Variants in SOX6 observed in about 807,000 individuals in gnomAD.
SOX6 encodes the protein SRY-box transcription factor 6, also known as transcription factor SOX-6.
SOX6 carries 11 observed loss-of-function variants against 97.8 expected under a neutral mutation model. The ratio of observed to expected loss-of-function variants is 0.11; its 90% CI spans 0.07 to 0.19. The LOEUF is 0.19. Among genes scored for constraint, SOX6 ranks in the 10% least tolerant of loss-of-function variants. The pLI is 1.00. For missense variants in SOX6, 810 were observed against 1,039.5 expected (o/e 0.78, Z 3.04); for synonymous variants, 360 against 371.4 (o/e 0.97, Z 0.35).
intron 1 of SOX6, among the ~76,000 whole-genome samples, chr11:16,461,459 C>T (rs1481594587): frequency 6.6e-6 from 1 of 152,186 alleles, no homozygotes; most frequent in Non-Finnish European, 1.5e-5. Context: ...TTATGGATCA[C>T]GATGATATGA....
intron 1 of SOX6, among the ~76,000 whole-genome samples, chr11:16,404,855 A>G (rs1174958097): frequency 1.3e-5 from 2 of 152,014 alleles, no homozygotes; most frequent in Non-Finnish European, 2.9e-5. Context: ...ACTCTGTGGC[A>G]TCTAGAATTA....
chr11:16,173,233 A>G (rs1363547270), intron 6 of SOX6, among the ~76,000 whole-genome samples: 2 of 151,882 alleles, frequency 1.3e-5, no homozygotes, highest in African/African-American at 2.4e-5. Context: ...TTTAGTTCCA[A>G]TGTGGATTGT....
intron 4 of SOX6, among the ~76,000 whole-genome samples, chr11:16,601,117 C>G (rs1401754860): frequency 6.6e-6 from 1 of 152,146 alleles, no homozygotes; most frequent in Non-Finnish European, 1.5e-5. Flanking sequence ...ATTTCTTCCT[C>G]TAAACAGCAG....
chr11:16,169,493 G>A (rs1211194483), intron 6 of SOX6, among the ~76,000 whole-genome samples: 1 of 152,020 alleles, frequency 6.6e-6, no homozygotes, highest in African/African-American at 2.4e-5. Flanking sequence ...AAATGATCAA[G>A]TTTACAAAGT....
At chr11:16,138,914 T>G (rs1590221780) in intron 6 of SOX6, among the ~76,000 whole-genome samples, 1 of 152,212 alleles carries the variant, frequency 6.6e-6, no homozygotes, top group Non-Finnish European at 1.5e-5. Context: ...TATTACACGG[T>G]GTATATGTGC....
At chr11:16,545,441 G>T (rs1565176999) in intron 4 of SOX6, among the ~76,000 whole-genome samples, 1 of 151,748 alleles carries the variant, frequency 6.6e-6, no homozygotes, top group Admixed American at 6.6e-5. Flanking sequence ...AACAAACTAG[G>T]TATAGAAAGT....
chr11:16,537,921 A>T (rs1248084018), intron 4 of SOX6, among the ~76,000 whole-genome samples: 1 of 152,204 alleles, frequency 6.6e-6, no homozygotes, highest in African/African-American at 2.4e-5. Flanking sequence ...TATCCAGGAG[A>T]ACTTCCCCAA....
chr11:16,580,708 A>G (rs759739058), intron 4 of SOX6, among the ~76,000 whole-genome samples: 1 of 152,196 alleles, frequency 6.6e-6, no homozygotes, highest in Non-Finnish European at 1.5e-5. Flanking sequence ...CCATCTGACA[A>G]ACATCTAACA....
intron 4 of SOX6, chr11:16,484,455 G>A (rs564200704): frequency 1.2e-6 from 1 of 803,726 alleles, no homozygotes; most frequent in East Asian, 2.4e-5. Context: ...ACAATGAAGA[G>A]CTCCTCGCAC....
intron 3 of SOX6, among the ~76,000 whole-genome samples, chr11:16,237,666 T>G (rs1853066313): frequency 6.6e-6 from 1 of 151,986 alleles, no homozygotes; most frequent in Non-Finnish European, 1.5e-5. Flanking sequence ...AGTAATCATG[T>G]AAGATTCCAA....
chr11:16,164,453 C>T (rs753397374), intron 6 of SOX6, among the ~76,000 whole-genome samples: 36 of 152,122 alleles, frequency 2.4e-4, no homozygotes, highest in Non-Finnish European at 2.6e-4. Flanking sequence ...TATTTTTGTA[C>T]TTGTTTTCAA....
intron 4 of SOX6, among the ~76,000 whole-genome samples, chr11:16,189,982 A>G (rs1240568249): frequency 1.3e-5 from 2 of 152,194 alleles, no homozygotes; most frequent in African/African-American, 4.8e-5. Flanking sequence ...TCTTTCAATC[A>G]TCTTCAACTT....
chr11:16,355,491 A>G (rs1231816200), intron 1 of SOX6, among the ~76,000 whole-genome samples: 1 of 152,064 alleles, frequency 6.6e-6, no homozygotes, highest in Non-Finnish European at 1.5e-5. Context: ...AATACTATAA[A>G]TCTCAATGTA....
At chr11:16,678,490 T>C (rs1359914788) in intron 3 of SOX6, among the ~76,000 whole-genome samples, 2 of 152,226 alleles carry the variant, frequency 1.3e-5, no homozygotes, top group African/African-American at 2.4e-5. Context: ...CACTTCAAGA[T>C]AGCCAAATAG....
chr11:16,188,149 T>A (rs1851532365), intron 4 of SOX6, among the ~76,000 whole-genome samples: 1 of 151,504 alleles, frequency 6.6e-6, no homozygotes, highest in African/African-American at 2.4e-5. Context: ...AGTATATGAT[T>A]TCTGAAAGGT....
rs1353937453 is a variant in SOX6, at chr11:16,040,425, G to T, written c.1623+6089C>A. On this transcript the variant is annotated intron_variant, in intron 12 of 15. Coordinates refer to ENST00000683767, the MANE Select transcript of SOX6 (RefSeq NM_001367873.1). ...ACATTCAGCCAGGAGCCTACATACA[G>T]AACTTCACAGTTGCCCAATGTTATT... Among the ~76,000 whole-genome samples the T allele has an allele frequency of 2.6e-5, 4 of 152,064 alleles. No homozygotes were observed. In the East Asian group the frequency reaches 7.7e-4, roughly 29 times the overall value.
chr11:16,700,217 T>C (rs1223489668), intron 3 of SOX6, among the ~76,000 whole-genome samples: 1 of 151,688 alleles, frequency 6.6e-6, no homozygotes, highest in Non-Finnish European at 1.5e-5. Context: ...CAAACACTAA[T>C]AGGTAAAATG....
chr11:16,561,958 C>T (rs1847820290), intron 4 of SOX6, among the ~76,000 whole-genome samples: 1 of 151,992 alleles, frequency 6.6e-6, no homozygotes, highest in African/African-American at 2.4e-5. Flanking sequence ...AACTCCTGAC[C>T]TCAAACTATC....
intron 4 of SOX6, among the ~76,000 whole-genome samples, chr11:16,217,255 T>C (rs1260513111): frequency 6.6e-6 from 1 of 152,160 alleles, no homozygotes; most frequent in East Asian, 1.9e-4. Flanking sequence ...CTTTGTATAC[T>C]TTACTGTCTC....
Sources: allele counts gnomAD v4.1 joint callset (sites outside exome capture counted in the v4.1 genomes callset), GRCh38; gene constraint gnomAD v4.1.1; transcripts MANE v1.5; gene names NCBI Gene and HGNC (gene_info 2026-07-23, HGNC 2026-07-21).